NPAS3: variants seen among roughly 807,000 people sequenced by gnomAD.
The protein encoded by NPAS3 is neuronal PAS domain-containing protein 3.
A neutral mutation model predicts 73.1 loss-of-function variants in NPAS3; 14 were observed. The ratio of observed to expected loss-of-function variants is 0.19; its 90% CI spans 0.13 to 0.30. The LOEUF (loss-of-function observed/expected upper bound fraction) is 0.30, where lower values mean the gene tolerates loss of function less well. NPAS3 is among the 10% of genes least tolerant of loss of function. NPAS3 has a pLI of 1.00. For missense variants in NPAS3, 1,096 were observed against 1,250.0 expected, an observed-to-expected ratio of 0.88 and a Z score of 1.86; for synonymous variants, 620 against 541.5, an observed-to-expected ratio of 1.14 and a Z score of -2.01.
In NPAS3 at chr14:33,456,053, T is replaced by C. The variant is rs185832795; in HGVS notation, c.468+88785T>C. ...CTATTACTTAGTTGTCATGTATTGA[T>C]GATCCCATTTCAATCAAACATATCT... On this transcript the variant is annotated intron_variant, in intron 4 of 11. Coordinates refer to ENST00000356141, the Ensembl canonical transcript of NPAS3. Among the ~76,000 whole-genome samples, 119 of 152,352 alleles carry C rather than the reference T, an allele frequency of 7.8e-4. 1 individual carries two copies. The Middle Eastern group carries it at 0.014, about 17-fold the overall frequency.
chr14:32,993,886 A>C (rs2038444933), intron 1 of NPAS3, among the ~76,000 whole-genome samples: 1 of 152,230 alleles, frequency 6.6e-6, no homozygotes, highest in African/African-American at 2.4e-5. Flanking sequence ...GTAGCATGAA[A>C]ATCTTTCCAG....
At chr14:33,499,138 G>C (rs1334331797) in intron 4 of NPAS3, among the ~76,000 whole-genome samples, 1 of 151,772 alleles carries the variant, frequency 6.6e-6, no homozygotes, top group Non-Finnish European at 1.5e-5. Context: ...CTATAAATTA[G>C]TTAAAACTTA....
intron 4 of NPAS3, among the ~76,000 whole-genome samples, chr14:33,386,796 AAC>A (rs1459691911): frequency 6.6e-6 from 1 of 152,174 alleles, no homozygotes; most frequent in Non-Finnish European, 1.5e-5. Context: ...GGTAATGCCT[AAC>A]AGTGATTGAC....
chr14:33,778,628 C>A (rs2138511199), intron 9 of NPAS3, 56 bp downstream of exon 9: 2 of 1,206,672 alleles, frequency 1.7e-6, no homozygotes, highest in East Asian at 2.3e-5. Context: ...ATCTCTGAGG[C>A]TTGTTTGGTT....
intron 4 of NPAS3, among the ~76,000 whole-genome samples, chr14:33,545,435 TCTC>T (rs1271646163): frequency 2.6e-5 from 4 of 152,178 alleles, no homozygotes; most frequent in Admixed American, 2.6e-4. Context: ...ACTCCAATCA[TCTC>T]AACAACTCTA....
At chr14:33,115,247 G>C (rs1173678130) in intron 2 of NPAS3, among the ~76,000 whole-genome samples, 4 of 152,154 alleles carry the variant, frequency 2.6e-5, no homozygotes, top group African/African-American at 9.7e-5. Context: ...GGACTTTTGA[G>C]AGAAACGTTT....
chr14:33,192,015 A>G (rs1318786924), intron 2 of NPAS3, among the ~76,000 whole-genome samples: 3 of 152,326 alleles, frequency 2.0e-5, no homozygotes, highest in Admixed American at 6.5e-5. Context: ...CTGTGCCCAC[A>G]ATGGTTAGAA....
chr14:33,683,573 G>C (rs1225725533), intron 6 of NPAS3, among the ~76,000 whole-genome samples: 1 of 151,874 alleles, frequency 6.6e-6, no homozygotes, highest in African/African-American at 2.4e-5. Context: ...TTTCCTCCCT[G>C]TCCAAATTAT....
chr14:33,145,715 A>G (rs969142267), intron 2 of NPAS3, among the ~76,000 whole-genome samples: 3 of 151,808 alleles, frequency 2.0e-5, no homozygotes, highest in African/African-American at 7.3e-5. Context: ...TGTTTTTCCT[A>G]TTGCCTATTC....
At chr14:33,182,980 A>G (rs986967736) in intron 2 of NPAS3, among the ~76,000 whole-genome samples, 22 of 152,182 alleles carry the variant, frequency 1.4e-4, no homozygotes, top group Middle Eastern at 3.4e-3. Context: ...CTTCTCATCT[A>G]TTGGCTTTGT....
rs373933287 is a variant in NPAS3, at chr14:33,227,541, C to T, written c.385+12115C>T. On this transcript the variant is annotated intron_variant, in intron 3 of 11. Coordinates refer to ENST00000356141, the Ensembl canonical transcript of NPAS3. ...AAGGTACCAGCATGGTGAGGTTCTT[C>T]GTGAAGGCTATCCTCCTGGGTCACA... 1.9e-4 allele frequency among the ~76,000 whole-genome samples: 29 copies of T among 152,252 alleles called. No homozygotes were observed. In the East Asian group the frequency reaches 2.7e-3, roughly 14 times the overall value.
rs141481894 is a variant in NPAS3, at chr14:33,019,512, C to T, written c.51-36393C>T. Among the ~76,000 whole-genome samples, 779 of 152,132 alleles carry T rather than the reference C, an allele frequency of 5.1e-3. 3 individuals are homozygous for T. Among genetic ancestry groups the T allele is most frequent in the Non-Finnish European group, 7.4e-3 (503 of 67,988 alleles). On this transcript the variant is annotated intron_variant, in intron 1 of 11. Transcript: ENST00000356141. ...AAAAAACCGGGGATGGTTTCCTTTTCTATCACCACTTTGCACTGCATGGCT... is the reference window on the plus strand; with the variant it reads ...AAAAAACCGGGGATGGTTTCCTTTTTTATCACCACTTTGCACTGCATGGCT...
At chr14:33,274,216 A>G (rs531391421) in intron 3 of NPAS3, among the ~76,000 whole-genome samples, 5 of 152,214 alleles carry the variant, frequency 3.3e-5, no homozygotes, top group Non-Finnish European at 5.9e-5. Context: ...TGGCCAAAAC[A>G]CAGTGATTGG....
At chr14:33,151,791 G>C (rs1182927160) in intron 2 of NPAS3, among the ~76,000 whole-genome samples, 3 of 152,070 alleles carry the variant, frequency 2.0e-5, no homozygotes, top group Non-Finnish European at 4.4e-5. Flanking sequence ...TTTATACATT[G>C]TTCTGGAAAG....
intron 3 of NPAS3, among the ~76,000 whole-genome samples, chr14:33,245,414 C>T (rs1183613490): frequency 2.0e-5 from 3 of 152,138 alleles, no homozygotes; most frequent in Non-Finnish European, 4.4e-5. Flanking sequence ...ATCCAAAGCC[C>T]TTAACTTATA....
chr14:33,270,299 T>G (rs1024834721), intron 3 of NPAS3, among the ~76,000 whole-genome samples: 1 of 152,004 alleles, frequency 6.6e-6, no homozygotes, highest in Non-Finnish European at 1.5e-5. Flanking sequence ...GAATGAGTGA[T>G]TGACCCTATA....
At chr14:33,019,718 G>T (rs145548775) in intron 1 of NPAS3, among the ~76,000 whole-genome samples, 54 of 152,252 alleles carry the variant, frequency 3.5e-4, no homozygotes, top group African/African-American at 1.3e-3. Flanking sequence ...ATCAATATTC[G>T]TTTGGAGTGC....
chr14:33,084,918 A>G (rs941737858), intron 2 of NPAS3, among the ~76,000 whole-genome samples: 2 of 152,202 alleles, frequency 1.3e-5, no homozygotes, highest in African/African-American at 4.8e-5. Flanking sequence ...ATTTATTTTA[A>G]TGGGGATGTT....
chr14:33,064,610 A>G (rs2041219313), intron 2 of NPAS3, among the ~76,000 whole-genome samples: 1 of 152,126 alleles, frequency 6.6e-6, no homozygotes, highest in Non-Finnish European at 1.5e-5. Context: ...GTAGTCGTAG[A>G]TTAGTTACCT....
Sources: gnomAD v4.1 joint callset for allele counts (sites outside exome capture counted in the v4.1 genomes callset) on GRCh38, gnomAD v4.1.1 for gene constraint, MANE v1.5 for transcripts, NCBI Gene and HGNC (gene_info 2026-07-23, HGNC 2026-07-21) for gene names.